The following TBCK variants were observed in gnomAD, a reference collection of about 807,000 sequenced individuals.
TBCK encodes the protein TBC1 domain containing kinase.
A neutral mutation model predicts 113.4 loss-of-function variants in TBCK; 99 were observed. That is an observed-to-expected ratio of 0.87 (90% CI 0.74 to 1.03). The LOEUF (loss-of-function observed/expected upper bound fraction) is 1.03. Among genes scored for constraint, TBCK ranks in the 50% least tolerant of loss-of-function variants. The pLI, the probability that TBCK is intolerant of heterozygous loss-of-function variation, is 0.00. For missense variants in TBCK, 1,045 were observed against 1,061.3 expected, an observed-to-expected ratio of 0.98 and a Z score of 0.21; for synonymous variants, 369 against 370.8, an observed-to-expected ratio of 1.00 and a Z score of 0.05.
chr4:106,122,569 C>CA lies in TBCK; in HGVS notation c.2236-6192dup, dbSNP rs1275892350. On this transcript the variant is annotated intron_variant, in intron 23 of 25. Coordinates refer to ENST00000394708, the MANE Select transcript of TBCK (RefSeq NM_001163435.3). ...ATACCAAAGCCTGGCAGAGACACAG[C>CA]AAAAAAAGCGAATTTTAGACCAACA... 5.3e-5 allele frequency among the ~76,000 whole-genome samples: 8 copies of CA among 151,970 alleles called. No individual in the cohort carries two copies. The South Asian group carries it at 6.2e-4, about 12-fold the overall frequency.
At chr4:106,262,346 G>T (rs1016030041) in intron 3 of TBCK, 134 bp from the exon 4 acceptor site, 7 of 506,124 alleles carry the variant, frequency 1.4e-5, no homozygotes, top group African/African-American at 3.9e-5. Flanking sequence ...TGAGAAAATA[G>T]AATCTATATA....
intron 24 of TBCK, among the ~76,000 whole-genome samples, chr4:106,102,728 A>G (rs543579406): frequency 6.6e-6 from 1 of 152,356 alleles, no homozygotes; most frequent in Non-Finnish European, 1.5e-5. Flanking sequence ...GTATAAAAGC[A>G]AAACAGAAGA....
At chr4:106,049,508 G>A (rs1298371390) in intron 25 of TBCK, among the ~76,000 whole-genome samples, 2 of 152,064 alleles carry the variant, frequency 1.3e-5, no homozygotes, top group African/African-American at 2.4e-5. Context: ...ACAGGTTAGG[G>A]AGGAAAGAAA....
At position 106,046,587 on chromosome 4, in the gene TBCK, G is replaced by T; in HGVS notation, c.2665C>A (p.Pro889Thr). The T allele has an allele frequency of 6.2e-7, 1 of 1,600,692 alleles. No individual in the cohort carries two copies. Among genetic ancestry groups the T allele is most frequent in the Non-Finnish European group, 8.6e-7 (1 of 1,168,012 alleles). ...TTGGTTCTTCATATTTGAGGAGATGGGATGGTGAGGAGGCCTGTTGGCTTT... is the reference window on the plus strand; with the variant it reads ...TTGGTTCTTCATATTTGAGGAGATGTGATGGTGAGGAGGCCTGTTGGCTTT... ...KIKPTGLLTIPSPQI is the reference protein window; with the variant it reads ...KIKPTGLLTITSPQI The change falls in exon 26 of 26, where the codon CCA (proline) becomes ACA (threonine). Residue 889 changes from proline (P) to threonine (T), a missense_variant. By Grantham distance (38) the Pro-to-Thr change is conservative (BLOSUM62 -1). Coordinates refer to ENST00000394708, the MANE Select transcript of TBCK (RefSeq NM_001163435.3).
chr4:106,259,556 T>TA (rs1206470096), intron 5 of TBCK, among the ~76,000 whole-genome samples: 1 of 151,902 alleles, frequency 6.6e-6, no homozygotes, highest in Non-Finnish European at 1.5e-5. Context: ...CTGAAGTACT[T>TA]ACAGGTTAAA....
At position 106,262,200 on chromosome 4, in the gene TBCK, A is replaced by C. The variant is rs1314295922; in HGVS notation, c.279T>G (p.Val93=). 1.3e-6 allele frequency: 2 copies of C among 1,540,810 alleles called. No homozygotes were observed. The highest frequency in any genetic ancestry group is 2.0e-5 in the Admixed American group (1 of 50,428). The stretch of plus-strand genomic sequence containing the variant: ...GAAGAACCTCAAATGCTATACACAA[A>C]ACCGTTGAACAGCTACAAAGAAAAC... ...RERKPVSCST[V]LCIAFEVLQG... The change falls in exon 4 of 26, where the codon GTT becomes GTG. Residue 93 remains valine, a synonymous_variant. Transcript: ENST00000394708.
At chr4:106,250,574 G>A in intron 6 of TBCK, 96 bp from the exon 7 acceptor site, 1 of 627,974 alleles carries the variant, frequency 1.6e-6, no homozygotes, top group East Asian at 3.1e-5. Context: ...ATTTTATCAG[G>A]CATCTTTATT....
chr4:106,296,075 T>C lies in TBCK; in HGVS notation c.194-909A>G, dbSNP rs1449256187. 2.6e-5 allele frequency among the ~76,000 whole-genome samples: 4 copies of C among 152,198 alleles called. No individual in the cohort carries two copies. In the South Asian group the frequency reaches 8.3e-4, roughly 31 times the overall value. ...CATGATCAACATTAATGATGTCATTTTTATTTTCCAACAGATCAACTGATC... is the reference window on the plus strand; with the variant it reads ...CATGATCAACATTAATGATGTCATTCTTATTTTCCAACAGATCAACTGATC... On this transcript the variant is annotated intron_variant, in intron 2 of 25. Coordinates refer to ENST00000394708, the MANE Select transcript of TBCK (RefSeq NM_001163435.3).
chr4:106,207,313 G>A (rs1181895921), intron 20 of TBCK, among the ~76,000 whole-genome samples: 1 of 152,128 alleles, frequency 6.6e-6, no homozygotes, highest in Non-Finnish European at 1.5e-5. Context: ...AATCTCTACT[G>A]CAATGGAAGC....
chr4:106,251,780 A>G, intron 6 of TBCK, 86 bp downstream of exon 6: 3 of 1,190,376 alleles, frequency 2.5e-6, no homozygotes, highest in East Asian at 2.8e-5. Flanking sequence ...CAGCAAAAAC[A>G]TACTATTATT....
intron 23 of TBCK, among the ~76,000 whole-genome samples, chr4:106,145,254 G>T (rs1449667095): frequency 6.6e-6 from 1 of 151,370 alleles, no homozygotes; most frequent in East Asian, 2.0e-4. Flanking sequence ...GGAGGTGGAG[G>T]TTGCAGTGAG....
At chr4:106,221,661 A>T (rs1422585128) in intron 19 of TBCK, among the ~76,000 whole-genome samples, 2 of 151,500 alleles carry the variant, frequency 1.3e-5, no homozygotes, top group Non-Finnish European at 2.9e-5. Flanking sequence ...AGAATTCAAG[A>T]GTAGTTACAA....
chr4:106,236,671 C>T lies in TBCK; in HGVS notation c.1220+88G>A, dbSNP rs954654898. The T allele has an allele frequency of 7.6e-6, 8 of 1,054,546 alleles. No homozygotes were observed. In the African/African-American group the frequency reaches 1.0e-4, roughly 13 times the overall value. 65.3% of individuals were successfully genotyped at this position (1,054,546 alleles called of 1,614,324 possible). On this transcript the variant is annotated intron_variant, in intron 13 of 25. Coordinates refer to ENST00000394708, the MANE Select transcript of TBCK (RefSeq NM_001163435.3). Reference sequence around the variant, plus strand: ...AGGTTATTATTTTCTATTTAGGAAACATTTTTCAAAGAAAATGTATAAAAT... The same window carrying T: ...AGGTTATTATTTTCTATTTAGGAAATATTTTTCAAAGAAAATGTATAAAAT...
intron 24 of TBCK, among the ~76,000 whole-genome samples, chr4:106,114,950 A>G: frequency 6.6e-6 from 1 of 152,140 alleles, no homozygotes; most frequent in East Asian, 1.9e-4. Context: ...CTGAAACCCT[A>G]ACAACCAGGG....
rs34770077 is a variant in TBCK at position 106,247,277 on chromosome 4, C to T, written c.793G>A (p.Asp265Asn). ...TFHPSKRPTP[D>N]QLMKDKVFSE... Reference sequence around the variant, plus strand: ...AATACTTTGTCCTTCATTAATTGATCTGGGGTTGGCCTTGAGAACATTTAA... The same window carrying T: ...AATACTTTGTCCTTCATTAATTGATTTGGGGTTGGCCTTGAGAACATTTAA... The change falls in exon 10 of 26, where the codon GAT becomes AAT. Residue 265 changes from aspartate to asparagine, a missense_variant. Transcript: ENST00000394708. The T allele has an allele frequency of 2.4e-5, 39 of 1,611,514 alleles. No individual in the cohort carries two copies. The East Asian group carries it at 8.5e-4, about 35-fold the overall frequency.
intron 25 of TBCK, among the ~76,000 whole-genome samples, chr4:106,083,556 C>G (rs1305423813): frequency 2.0e-5 from 3 of 152,206 alleles, no homozygotes; most frequent in Non-Finnish European, 4.4e-5. Flanking sequence ...GGTTTCCCCC[C>G]AGTGAAACAC....
intron 19 of TBCK, among the ~76,000 whole-genome samples, chr4:106,214,965 G>A (rs1258546552): frequency 6.6e-6 from 1 of 151,546 alleles, no homozygotes. Flanking sequence ...CAGCCAGAGA[G>A]AAAGGTCGGG....
At chr4:106,241,204 T>A (rs1049709825) in intron 12 of TBCK, among the ~76,000 whole-genome samples, 6 of 151,880 alleles carry the variant, frequency 4.0e-5, no homozygotes, top group African/African-American at 1.4e-4. Flanking sequence ...GAAATAAATC[T>A]GATAACTGAT....
At chr4:106,314,978 C>T (rs1011447176) in intron 1 of TBCK, among the ~76,000 whole-genome samples, 1 of 151,938 alleles carries the variant, frequency 6.6e-6, no homozygotes, top group African/African-American at 2.4e-5. Context: ...ATAAAATAAC[C>T]AAATAAAACA....
Sources: gnomAD v4.1 joint callset for allele counts (sites outside exome capture counted in the v4.1 genomes callset) on GRCh38, gnomAD v4.1.1 for gene constraint, MANE v1.5 for transcripts, NCBI Gene and HGNC (gene_info 2026-07-23, HGNC 2026-07-21) for gene names.